The following STAU2 variants were observed in gnomAD, a reference collection of about 807,000 sequenced individuals.
The protein encoded by STAU2 is staufen double-stranded RNA binding protein 2.
In STAU2, 20 loss-of-function variants were observed where a neutral mutation model predicts 65.9. That is an observed-to-expected ratio of 0.30 (90% CI 0.21 to 0.44). The LOEUF (loss-of-function observed/expected upper bound fraction) is 0.44. Among genes scored for constraint, STAU2 ranks in the 20% least tolerant of loss-of-function variants. STAU2 has a pLI of 1.00. For missense variants in STAU2, 558 were observed against 683.9 expected (o/e 0.82, Z 2.05); for synonymous variants, 232 against 233.9 (o/e 0.99, Z 0.07).
intron 3 of STAU2, among the ~76,000 whole-genome samples, chr8:73,735,757 C>A (rs942767448): frequency 8.5e-5 from 13 of 152,264 alleles, no homozygotes; most frequent in African/African-American, 3.1e-4. Context: ...TAGAGAATTG[C>A]CTAGGAACTG....
rs1160559284 is a variant in STAU2, at chr8:73,739,806, T to A, written c.-134A>T. ...TTGTGTATCTTTGAGTTCTTCTTTT[T>A]CTGTCTTCTTTTTTTTCTTCAATCT... On this transcript the variant is annotated 5_prime_UTR_variant, in exon 2 of 15. Transcript: ENST00000524300. 1 of 1,525,424 alleles carries A rather than the reference T, an allele frequency of 6.6e-7. No individual in the cohort carries two copies. Among genetic ancestry groups the A allele is most frequent in the East Asian group, 2.4e-5 (1 of 40,858 alleles). The allele number at this position is 1,525,424 out of a possible 1,614,324, so 94.5% of individuals were successfully genotyped here.
chr8:73,629,318 G>T (rs1813919001), intron 6 of STAU2, among the ~76,000 whole-genome samples: 1 of 152,052 alleles, frequency 6.6e-6, no homozygotes, highest in South Asian at 2.1e-4. Flanking sequence ...ATTTCTACAG[G>T]AAAATGCTGG....
chr8:73,433,469 G>T (rs184962534), intron 13 of STAU2, among the ~76,000 whole-genome samples: 4 of 148,788 alleles, frequency 2.7e-5, no homozygotes, highest in Admixed American at 6.7e-5. Context: ...CTCCCAAAGC[G>T]CTGGGATTAA....
chr8:73,666,694 T>C (rs1817267372), intron 6 of STAU2, among the ~76,000 whole-genome samples: 2 of 152,168 alleles, frequency 1.3e-5, no homozygotes, highest in Non-Finnish European at 2.9e-5. Flanking sequence ...ACACATCTAA[T>C]GAGAATGTAG....
At chr8:73,435,641 T>A (rs1817629485) in intron 13 of STAU2, among the ~76,000 whole-genome samples, 1 of 151,968 alleles carries the variant, frequency 6.6e-6, no homozygotes, top group Non-Finnish European at 1.5e-5. Flanking sequence ...GAGAGAAATG[T>A]TCCTGCCCCA....
In STAU2 at chr8:73,718,013, A is replaced by C. The variant is rs1484705161; in HGVS notation, c.-17-8851T>G. The stretch of plus-strand genomic sequence containing the variant: ...ATTCCAACCCATGAAAAGGATACAC[A>C]GTCACTTCTCATTATTGAGATAATA... On this transcript the variant is annotated intron_variant, in intron 3 of 14. Transcript: ENST00000524300. Among the ~76,000 whole-genome samples, 7 of 152,360 alleles carry C rather than the reference A, an allele frequency of 4.6e-5. No individual in the cohort carries two copies. In the South Asian group the frequency reaches 1.4e-3, roughly 32 times the overall value.
At position 73,613,458 on chromosome 8, in the gene STAU2, G is replaced by A. The variant is rs17221991; in HGVS notation, c.891+286C>T. On this transcript the variant is annotated intron_variant, in intron 9 of 14. Transcript: ENST00000524300. ...CATCATCTACCTTATACGGTCATGA[G>A]GGGGATTATAGTAAAGGTGACATGA... 6.4e-3 allele frequency among the ~76,000 whole-genome samples: 973 copies of A among 152,244 alleles called. 15 individuals carry two copies. Among genetic ancestry groups the A allele is most frequent in the South Asian group, 0.043 (209 of 4,818 alleles).
rs1184754079 is a variant in STAU2 at position 73,700,908 on chromosome 8, C to T, written c.114+8124G>A. Among the ~76,000 whole-genome samples the T allele has an allele frequency of 2.6e-5, 4 of 151,982 alleles. No individual in the cohort carries two copies. The South Asian group carries it at 6.2e-4, about 24-fold the overall frequency. On this transcript the variant is annotated intron_variant, in intron 4 of 14. Transcript: ENST00000524300. ...CTATAGAAACCAAAACAACAGGGTA[C>T]TACATAAAAATAAACACACAGACCA...
At chr8:73,432,236 A>G (rs1817353956) in intron 13 of STAU2, among the ~76,000 whole-genome samples, 1 of 152,206 alleles carries the variant, frequency 6.6e-6, no homozygotes, top group East Asian at 1.9e-4. Flanking sequence ...AGCTGATCTA[A>G]CTGCTAGATT....
chr8:73,673,185 G>A lies in STAU2; in HGVS notation c.332C>T (p.Ala111Val). The change falls in exon 6 of 15, where the codon GCC becomes GTC. Residue 111 changes from alanine (A) to valine (V), a missense_variant. Transcript: ENST00000524300. ...NGLAMKRGEPAIYRPLDPKPF... is the reference protein window; with the variant it reads ...NGLAMKRGEPVIYRPLDPKPF... Reference sequence around the variant, plus strand: ...CTTTGGATCTAATGGCCTGTAGATGGCAGGCTCTCCCCTTTTCATAGCAAG... The same window carrying A: ...CTTTGGATCTAATGGCCTGTAGATGACAGGCTCTCCCCTTTTCATAGCAAG... 1 of 1,606,790 alleles carries A rather than the reference G, an allele frequency of 6.2e-7. No homozygotes were observed. The highest frequency in any genetic ancestry group is 1.1e-5 in the South Asian group (1 of 90,160).
rs560323423 is a variant in STAU2, at chr8:73,433,810, T to C, written c.1531-11108A>G. Among the ~76,000 whole-genome samples, 8 of 151,928 alleles carry C rather than the reference T, an allele frequency of 5.3e-5. No individual in the cohort carries two copies. In the South Asian group the frequency reaches 1.4e-3, roughly 28 times the overall value. ...GAGCCACCGTGCCTGGCCTATTTAATTATTTTTGATTCAACACAAAGTCCC... is the reference window on the plus strand; with the variant it reads ...GAGCCACCGTGCCTGGCCTATTTAACTATTTTTGATTCAACACAAAGTCCC... On this transcript the variant is annotated intron_variant, in intron 13 of 14. Coordinates refer to ENST00000524300, the MANE Select transcript of STAU2 (RefSeq NM_001164380.2).
chr8:73,495,574 T>C (rs1441721404), intron 13 of STAU2, among the ~76,000 whole-genome samples: 5 of 150,464 alleles, frequency 3.3e-5, no homozygotes, highest in South Asian at 2.1e-4. Context: ...TAAAAACTTA[T>C]ACTTTTTATT....
chr8:73,604,554 A>T (rs1181238366), intron 9 of STAU2, among the ~76,000 whole-genome samples: 1 of 152,140 alleles, frequency 6.6e-6, no homozygotes, highest in East Asian at 1.9e-4. Context: ...TTTTAAAAAG[A>T]CGTATCCGGT....
chr8:73,562,904 A>C (rs190743450), intron 12 of STAU2, among the ~76,000 whole-genome samples: 1 of 152,194 alleles, frequency 6.6e-6, no homozygotes, highest in Admixed American at 6.5e-5. Flanking sequence ...TGAGCTCAGG[A>C]GTTTAAGACC....
At chr8:73,720,537 G>A (rs1185059353) in intron 3 of STAU2, among the ~76,000 whole-genome samples, 1 of 36,046 alleles carries the variant, frequency 2.8e-5, no homozygotes, top group Non-Finnish European at 4.0e-5. Context: ...ACGGAGTCTC[G>A]CTCTGTCGCC....
intron 12 of STAU2, among the ~76,000 whole-genome samples, chr8:73,560,223 G>C (rs1269107759): frequency 6.6e-6 from 1 of 151,910 alleles, no homozygotes; most frequent in African/African-American, 2.4e-5. Flanking sequence ...TGGGACTACA[G>C]GCTCCCACCA....
intron 13 of STAU2, among the ~76,000 whole-genome samples, chr8:73,425,619 ATCTCTC>A (rs57368986): frequency 1.0e-4 from 15 of 149,946 alleles, no homozygotes; most frequent in Non-Finnish European, 2.1e-4. Flanking sequence ...GGATAGCAAA[ATCTCTC>A]TCTCTCTCTC....
At chr8:73,722,168 T>G (rs1430059998) in intron 3 of STAU2, among the ~76,000 whole-genome samples, 1 of 152,200 alleles carries the variant, frequency 6.6e-6, no homozygotes, top group Non-Finnish European at 1.5e-5. Flanking sequence ...CTTATAACAG[T>G]ATACCTCCAT....
At chr8:73,683,095 C>T (rs1239599534) in intron 5 of STAU2, among the ~76,000 whole-genome samples, 17 of 152,042 alleles carry the variant, frequency 1.1e-4, no homozygotes, top group Non-Finnish European at 2.2e-4. Flanking sequence ...AAGAGGGAAT[C>T]CTCCCTAAAT....
Sources: gnomAD v4.1 joint callset for allele counts (sites outside exome capture counted in the v4.1 genomes callset) on GRCh38, gnomAD v4.1.1 for gene constraint, MANE v1.5 for transcripts, NCBI Gene and HGNC (gene_info 2026-07-23, HGNC 2026-07-21) for gene names.